The following ERC2 variants were observed in gnomAD, a reference collection of about 807,000 sequenced individuals.
ERC2 encodes ELKS/RAB6-interacting/CAST family member 2, also known as ERC protein 2.
Under a neutral mutation model 114.8 loss-of-function variants are expected in ERC2, and 42 were observed. That is an observed-to-expected ratio of 0.37 (90% CI 0.29 to 0.47). The LOEUF (loss-of-function observed/expected upper bound fraction) is 0.47. Among genes scored for constraint, ERC2 ranks in the 20% least tolerant of loss-of-function variants. The pLI is 0.99. For synonymous variants in ERC2, 454 were observed against 425.5 expected (o/e 1.07, Z -0.82); for missense variants, 939 against 1,150.7 (o/e 0.82, Z 2.66).
At chr3:55,521,266 A>G (rs546271153) in intron 17 of ERC2, among the ~76,000 whole-genome samples, 329 of 152,182 alleles carry the variant, frequency 2.2e-3, no homozygotes, top group Non-Finnish European at 3.6e-3. Context: ...CCACACAGCA[A>G]GCACTGCCTT....
At chr3:55,865,706 A>G (rs1039319092) in intron 14 of ERC2, among the ~76,000 whole-genome samples, 1 of 152,144 alleles carries the variant, frequency 6.6e-6, no homozygotes, top group Non-Finnish European at 1.5e-5. Flanking sequence ...AGATCATACA[A>G]TGTGGCCTTT....
Position 55,988,625 on chromosome 3 carries a change from C to T in ERC2, c.2256-2637G>A, listed in dbSNP as rs6783270. Among the ~76,000 whole-genome samples, 617 of 152,266 alleles carry T rather than the reference C, an allele frequency of 4.1e-3. 6 individuals carry two copies. The highest frequency in any genetic ancestry group is 0.013 in the African/African-American group (535 of 41,536). On this transcript the variant is annotated intron_variant, in intron 11 of 17. Coordinates refer to ENST00000288221, the MANE Select transcript of ERC2 (RefSeq NM_015576.3). ...CTAACCCTGTACCTTTTGTTGCATA[C>T]AATTGAAGTTCTGGAATATTTTAGA... is the stretch of plus-strand genomic sequence containing the variant.
intron 17 of ERC2, among the ~76,000 whole-genome samples, chr3:55,679,495 T>C (rs926033932): frequency 6.6e-6 from 1 of 152,260 alleles, no homozygotes; most frequent in African/African-American, 2.4e-5. Context: ...ATTTATATTC[T>C]GTCCCTTGAC....
intron 14 of ERC2, among the ~76,000 whole-genome samples, chr3:55,761,002 C>T (rs1045046991): frequency 1.3e-5 from 2 of 152,184 alleles, no homozygotes; most frequent in East Asian, 3.9e-4. Flanking sequence ...AATGAAGACA[C>T]AGAGATGTCC....
intron 15 of ERC2, among the ~76,000 whole-genome samples, chr3:55,733,540 T>TCACACACACACA (rs753638072): frequency 1.0e-5 from 1 of 95,806 alleles, no homozygotes; most frequent in Admixed American, 1.3e-4. Flanking sequence ...TTTCTCTCTC[T>TCACACACACACA]CTCACACACA....
chr3:56,446,075 G>C (rs2062547396), intron 1 of ERC2, among the ~76,000 whole-genome samples: 1 of 152,128 alleles, frequency 6.6e-6, no homozygotes, highest in South Asian at 2.1e-4. Flanking sequence ...ACCCAACTGA[G>C]GCTGTCCCTC....
At chr3:56,030,199 A>G (rs987382312) in intron 7 of ERC2, among the ~76,000 whole-genome samples, 5 of 152,168 alleles carry the variant, frequency 3.3e-5, no homozygotes, top group African/African-American at 4.8e-5. Flanking sequence ...GTTTGTTCAA[A>G]TTTGGTGAGG....
chr3:56,097,347 C>CT (rs887491376), intron 6 of ERC2, among the ~76,000 whole-genome samples: 7 of 150,234 alleles, frequency 4.7e-5, no homozygotes, highest in African/African-American at 7.3e-5. Flanking sequence ...TTATTGCTCA[C>CT]TTTTTTTTTT....
intron 12 of ERC2, among the ~76,000 whole-genome samples, chr3:55,977,407 T>C (rs1411742412): frequency 7.2e-6 from 1 of 138,182 alleles, no homozygotes; most frequent in African/African-American, 2.7e-5. Flanking sequence ...TTTCCTAATA[T>C]ATAAAAAGCT....
chr3:55,528,157 T>C (rs2053448368), intron 17 of ERC2, among the ~76,000 whole-genome samples: 1 of 152,212 alleles, frequency 6.6e-6, no homozygotes, highest in Admixed American at 6.5e-5. Context: ...TGCATTAATA[T>C]TAACCAACAG....
chr3:56,437,242 G>C (rs2062062618), intron 1 of ERC2, among the ~76,000 whole-genome samples: 1 of 152,196 alleles, frequency 6.6e-6, no homozygotes, highest in Non-Finnish European at 1.5e-5. Context: ...ATAGAACCAA[G>C]TTGTCCTAGC....
intron 3 of ERC2, among the ~76,000 whole-genome samples, chr3:56,236,567 A>G (rs550747485): frequency 1.3e-5 from 2 of 152,258 alleles, no homozygotes; most frequent in South Asian, 2.1e-4. Context: ...GTGTGCTTTG[A>G]GAGTTGTTTC....
At chr3:56,217,635 CTACTT>C (rs1239959156) in intron 3 of ERC2, among the ~76,000 whole-genome samples, 1 of 152,172 alleles carries the variant, frequency 6.6e-6, no homozygotes, top group Non-Finnish European at 1.5e-5. Flanking sequence ...TTGGAAAAAA[CTACTT>C]TAAAGTTCAT....
At chr3:56,102,994 T>C (rs1304520729) in intron 6 of ERC2, among the ~76,000 whole-genome samples, 1 of 152,138 alleles carries the variant, frequency 6.6e-6, no homozygotes, top group Non-Finnish European at 1.5e-5. Flanking sequence ...TCTTTATCAC[T>C]GGGTTAGCAG....
At chr3:55,779,871 G>A (rs1427613551) in intron 14 of ERC2, among the ~76,000 whole-genome samples, 3 of 151,216 alleles carry the variant, frequency 2.0e-5, no homozygotes, top group Non-Finnish European at 2.9e-5. Flanking sequence ...ATCTTACAGT[G>A]TAACTGGAGA....
intron 3 of ERC2, among the ~76,000 whole-genome samples, chr3:56,183,350 G>A (rs1356834258): frequency 6.6e-6 from 1 of 152,124 alleles, no homozygotes; most frequent in African/African-American, 2.4e-5. Flanking sequence ...CCACTTACTA[G>A]GTGCATGACC....
intron 2 of ERC2, among the ~76,000 whole-genome samples, chr3:56,357,654 G>A (rs535414447): frequency 4.0e-5 from 6 of 151,644 alleles, no homozygotes; most frequent in Admixed American, 2.6e-4. Context: ...AGAGTGTACC[G>A]CTAATGGCTT....
intron 2 of ERC2, among the ~76,000 whole-genome samples, chr3:56,417,929 T>C (rs141933649): frequency 6.6e-6 from 1 of 152,294 alleles, no homozygotes; most frequent in East Asian, 1.9e-4. Flanking sequence ...AAGTGTTAAG[T>C]AGGGTTCAAG....
chr3:55,700,886 G>T (rs1422375184), intron 15 of ERC2, among the ~76,000 whole-genome samples: 1 of 152,128 alleles, frequency 6.6e-6, no homozygotes, highest in African/African-American at 2.4e-5. Flanking sequence ...AATACATGCT[G>T]CTGTAATGAG....
Sources: allele counts gnomAD v4.1 joint callset (sites outside exome capture counted in the v4.1 genomes callset), GRCh38; gene constraint gnomAD v4.1.1; transcripts MANE v1.5; gene names NCBI Gene and HGNC (gene_info 2026-07-23, HGNC 2026-07-21).